The following FSTL5 variants were observed in gnomAD, a reference collection of about 807,000 sequenced individuals.
FSTL5 encodes the protein follistatin-related protein 5.
A neutral mutation model predicts 89.1 loss-of-function variants in FSTL5; 62 were observed. The ratio of observed to expected loss-of-function variants is 0.70; its 90% confidence interval spans 0.57 to 0.86. The LOEUF (loss-of-function observed/expected upper bound fraction) is 0.86. Among genes scored for constraint, FSTL5 ranks in the 40% least tolerant of loss-of-function variants. The probability of loss-of-function intolerance (pLI) is 0.00; values close to 1 mark genes in which losing one functional copy is unlikely to be tolerated. For synonymous variants in FSTL5, 383 were observed against 346.2 expected (o/e 1.11, Z -1.18); for missense variants, 1,057 against 1,001.6 (o/e 1.06, Z -0.75).
chr4:161,866,704 C>A (rs1030281643), intron 4 of FSTL5, among the ~76,000 whole-genome samples: 1 of 151,576 alleles, frequency 6.6e-6, no homozygotes, highest in African/African-American at 2.4e-5. Context: ...TTAAATTTAG[C>A]AATCAAATTA....
chr4:161,780,495 A>C (rs1193813579), intron 4 of FSTL5, among the ~76,000 whole-genome samples: 3 of 152,200 alleles, frequency 2.0e-5, no homozygotes, highest in Non-Finnish European at 4.4e-5. Flanking sequence ...TGTTCTAGAC[A>C]CAAAGAATAT....
chr4:161,858,927 A>G (rs114014858), intron 4 of FSTL5, among the ~76,000 whole-genome samples: 3,289 of 148,562 alleles, frequency 0.022, 46 homozygotes, highest in Non-Finnish European at 0.028. Context: ...TATTGCTGGG[A>G]AAAAAAAATC....
chr4:161,857,643 A>G (rs1731762382), intron 4 of FSTL5, among the ~76,000 whole-genome samples: 1 of 152,148 alleles, frequency 6.6e-6, no homozygotes. Context: ...TTTAATATTA[A>G]GTTTATTAAT....
chr4:161,510,084 A>G (rs536335726), intron 11 of FSTL5, among the ~76,000 whole-genome samples: 1 of 152,174 alleles, frequency 6.6e-6, no homozygotes. Flanking sequence ...CTTACTCTGC[A>G]TTAATCAGAG....
intron 2 of FSTL5, among the ~76,000 whole-genome samples, chr4:162,070,786 A>C (rs1290477722): frequency 6.6e-6 from 1 of 151,778 alleles, no homozygotes; most frequent in Non-Finnish European, 1.5e-5. Context: ...CCTGCTAGCC[A>C]AGAATTCTAT....
At chr4:161,684,911 C>T (rs900962215) in intron 6 of FSTL5, among the ~76,000 whole-genome samples, 3 of 152,082 alleles carry the variant, frequency 2.0e-5, no homozygotes, top group African/African-American at 7.2e-5. Context: ...GTCCTTGATC[C>T]ATCTTGAGTT....
At position 161,721,016 on chromosome 4, in the gene FSTL5, C is replaced by T. The variant is rs533258027; in HGVS notation, c.727+38395G>A. Among the ~76,000 whole-genome samples, 10 of 152,184 alleles carry T rather than the reference C, an allele frequency of 6.6e-5. 1 individual carries two copies. Among genetic ancestry groups the T allele is most frequent in the South Asian group, 6.2e-4 (3 of 4,828 alleles). On this transcript the variant is annotated intron_variant, in intron 6 of 15. Transcript: ENST00000306100. ...TTTTCTGGCCGGGCGCGGTGGCTCACGCCTGTAATCCCAGCACTTTGGGAG... is the reference window on the plus strand; with the variant it reads ...TTTTCTGGCCGGGCGCGGTGGCTCATGCCTGTAATCCCAGCACTTTGGGAG...
intron 6 of FSTL5, among the ~76,000 whole-genome samples, chr4:161,721,131 A>T (rs1362148482): frequency 4.5e-4 from 67 of 149,284 alleles, no homozygotes; most frequent in African/African-American, 1.6e-3. Context: ...ACAAAAAATT[A>T]GCCGGGCGCG....
At chr4:161,396,487 CA>C (rs539749954) in intron 15 of FSTL5, among the ~76,000 whole-genome samples, 2,914 of 106,726 alleles carry the variant, frequency 0.027, 57 homozygotes, top group African/African-American at 0.069. Context: ...ACTAAAAATA[CA>C]AAAAAAAAAA....
intron 7 of FSTL5, among the ~76,000 whole-genome samples, chr4:161,629,525 A>T (rs1475109541): frequency 2.0e-5 from 3 of 151,918 alleles, no homozygotes; most frequent in Non-Finnish European, 4.4e-5. Context: ...TGCATTTTTT[A>T]GTAGAGACAG....
chr4:161,480,267 A>T (rs1729453135), intron 13 of FSTL5, among the ~76,000 whole-genome samples: 1 of 152,202 alleles, frequency 6.6e-6, no homozygotes, highest in African/African-American at 2.4e-5. Flanking sequence ...TATATTTATT[A>T]TTCCCATTTG....
At chr4:161,902,425 C>T (rs1296889665) in intron 4 of FSTL5, among the ~76,000 whole-genome samples, 2 of 152,078 alleles carry the variant, frequency 1.3e-5, no homozygotes, top group African/African-American at 2.4e-5. Context: ...CATATGCACA[C>T]ATTTAATAAT....
At chr4:162,136,113 T>A (rs955141293) in intron 1 of FSTL5, among the ~76,000 whole-genome samples, 8 of 152,108 alleles carry the variant, frequency 5.3e-5, no homozygotes, top group African/African-American at 1.9e-4. Flanking sequence ...CAGAAACATG[T>A]CTTAAGTTAA....
intron 6 of FSTL5, among the ~76,000 whole-genome samples, chr4:161,708,806 T>C (rs1166219600): frequency 6.6e-6 from 1 of 152,154 alleles, no homozygotes; most frequent in African/African-American, 2.4e-5. Context: ...ACAAATGTGA[T>C]GCTAGTTCTA....
At chr4:162,072,126 G>T (rs982942012) in intron 2 of FSTL5, among the ~76,000 whole-genome samples, 2 of 151,614 alleles carry the variant, frequency 1.3e-5, no homozygotes, top group Admixed American at 6.6e-5. Flanking sequence ...AAATCAAATG[G>T]CAGGCATATA....
chr4:161,563,002 A>T (rs1056642070), intron 8 of FSTL5, among the ~76,000 whole-genome samples: 6 of 151,956 alleles, frequency 3.9e-5, no homozygotes, highest in Admixed American at 3.9e-4. Flanking sequence ...AGTCTGAAGG[A>T]TGTAACAACA....
chr4:161,956,498 C>CA (rs1416431917), intron 3 of FSTL5, among the ~76,000 whole-genome samples: 6 of 151,726 alleles, frequency 4.0e-5, no homozygotes, highest in African/African-American at 7.3e-5. Flanking sequence ...TTCTGTACTT[C>CA]AAAAATTGCA....
intron 4 of FSTL5, among the ~76,000 whole-genome samples, chr4:161,909,963 G>A (rs1486562638): frequency 6.6e-6 from 1 of 152,088 alleles, no homozygotes; most frequent in Non-Finnish European, 1.5e-5. Flanking sequence ...AGAAGTGAAT[G>A]GGAATAATTT....
chr4:161,989,117 T>C (rs114370807), intron 3 of FSTL5, among the ~76,000 whole-genome samples: 1 of 152,194 alleles, frequency 6.6e-6, no homozygotes, highest in African/African-American at 2.4e-5. Flanking sequence ...AGAAATAAAA[T>C]AGACATCTGG....
Sources: gnomAD v4.1 joint callset for allele counts (sites outside exome capture counted in the v4.1 genomes callset) on GRCh38, gnomAD v4.1.1 for gene constraint, MANE v1.5 for transcripts, NCBI Gene and HGNC (gene_info 2026-07-23, HGNC 2026-07-21) for gene names.